The following MTSS1 variants were observed in gnomAD, a reference collection of about 807,000 sequenced individuals.
MTSS1 encodes protein MTSS 1.
A neutral mutation model predicts 79.0 loss-of-function variants in MTSS1; 18 were observed. The observed-to-expected ratio is 0.23, with a 90% CI of 0.16 to 0.34. MTSS1 has a LOEUF of 0.34. Ranked by LOEUF, MTSS1 falls within the 10% of genes least tolerant of loss-of-function variation. The pLI is 1.00. For synonymous variants in MTSS1, 341 were observed against 368.6 expected, an observed-to-expected ratio of 0.93 and a Z score of 0.86; for missense variants, 815 against 986.2, an observed-to-expected ratio of 0.83 and a Z score of 2.33.
intron 3 of MTSS1, among the ~76,000 whole-genome samples, chr8:124,656,781 C>CAA (rs59332225): frequency 8.3e-4 from 43 of 51,538 alleles, no homozygotes; most frequent in African/African-American, 1.1e-3. Context: ...GACTCCATCT[C>CAA]AAAAAAAAAA....
At chr8:124,606,179 T>G (rs1209490285) in intron 3 of MTSS1, among the ~76,000 whole-genome samples, 16 of 148,738 alleles carry the variant, frequency 1.1e-4, no homozygotes, top group East Asian at 9.7e-4. Context: ...TTGTTTTTTT[T>G]TTTTTTTTTT....
intron 3 of MTSS1, among the ~76,000 whole-genome samples, chr8:124,619,940 T>C (rs1166093588): frequency 6.9e-6 from 1 of 144,560 alleles, no homozygotes; most frequent in Non-Finnish European, 1.5e-5. Context: ...TGTTTTTCTT[T>C]TCTTTTCTTT....
chr8:124,719,963 G>A (rs1285231945), intron 1 of MTSS1, among the ~76,000 whole-genome samples: 1 of 152,168 alleles, frequency 6.6e-6, no homozygotes, highest in Non-Finnish European at 1.5e-5. Context: ...AATAGAGCTA[G>A]GAAACGCTAG....
intron 3 of MTSS1, among the ~76,000 whole-genome samples, chr8:124,660,328 T>C (rs1395400801): frequency 1.3e-5 from 2 of 151,994 alleles, no homozygotes; most frequent in African/African-American, 2.4e-5. Context: ...AGCAGCACTT[T>C]AACCAAAAGA....
intron 7 of MTSS1, chr8:124,567,828 A>G (rs1256404600): frequency 2.0e-6 from 3 of 1,510,924 alleles, no homozygotes; most frequent in African/African-American, 2.8e-5. Context: ...ATGAGCTGGT[A>G]CCTTCGAATC....
At chr8:124,590,523 T>A (rs1384683830) in intron 4 of MTSS1, among the ~76,000 whole-genome samples, 2 of 152,108 alleles carry the variant, frequency 1.3e-5, no homozygotes, top group African/African-American at 4.8e-5. Context: ...AGCCTCGGGG[T>A]TACTGAGGGG....
At chr8:124,650,292 G>A (rs1819723024) in intron 3 of MTSS1, among the ~76,000 whole-genome samples, 1 of 152,106 alleles carries the variant, frequency 6.6e-6, no homozygotes, top group Non-Finnish European at 1.5e-5. Context: ...GCCTCCCAAA[G>A]TGCTGGGATT....
chr8:124,585,292 A>G (rs1830667230), intron 5 of MTSS1, 131 bp from the exon 6 acceptor site: 5 of 681,096 alleles, frequency 7.3e-6, no homozygotes, highest in South Asian at 1.7e-5. Context: ...TTATCAGAAT[A>G]CAATATGATA....
chr8:124,687,900 A>G (rs1041955275), intron 3 of MTSS1, among the ~76,000 whole-genome samples: 1 of 152,216 alleles, frequency 6.6e-6, no homozygotes, highest in South Asian at 2.1e-4. Flanking sequence ...CTTGTAATCA[A>G]TCAGCTTTGC....
chr8:124,555,835 G>C lies in MTSS1; in HGVS notation c.1474C>G (p.Gln492Glu). 6.2e-7 allele frequency: 1 copy of C among 1,613,512 alleles called. No homozygotes were observed. The highest frequency in any genetic ancestry group is 8.5e-7 in the Non-Finnish European group (1 of 1,179,958). Residue 492 changes from glutamine (Q) to glutamate (E), a missense_variant, in exon 13 of 14, where the codon CAG (glutamine) becomes GAG (glutamate). Coordinates refer to ENST00000518547, the MANE Select transcript of MTSS1 (RefSeq NM_014751.6). ...TGAAGCGAGTCCCGGCTGCTCCTCTGGGTGTCCAGCTGCAGGCCCCGAGAC... is the reference window on the plus strand; with the variant it reads ...TGAAGCGAGTCCCGGCTGCTCCTCTCGGTGTCCAGCTGCAGGCCCCGAGAC... ...ALSRGLQLDT[Q>E]RSSRDSLQCS...
chr8:124,555,422 A>G (rs1323769870), intron 13 of MTSS1, among the ~76,000 whole-genome samples: 1 of 151,930 alleles, frequency 6.6e-6, no homozygotes, highest in Non-Finnish European at 1.5e-5. Context: ...ATTTTTTTGT[A>G]TTTTTAGTAG....
At chr8:124,556,008 C>T (rs1563734049) in intron 12 of MTSS1, 104 bp from the exon 13 acceptor site, 2 of 1,551,332 alleles carry the variant, frequency 1.3e-6, no homozygotes, top group Non-Finnish European at 1.7e-6. Flanking sequence ...GGCCAGGGGG[C>T]TATTGACTTG....
chr8:124,582,276 T>C lies in MTSS1; in HGVS notation c.460+2811A>G, dbSNP rs1243718110. The stretch of plus-strand genomic sequence containing the variant: ...TACCAAAGGCAAACCATTGAAAGTT[T>C]CTTGAAGGAAATATTTAAACACCTT... On this transcript the variant is annotated intron_variant, in intron 6 of 13. Transcript: ENST00000518547. This position sits in a 1 kb window ranked among gnomAD's most constrained non-coding sequence, Gnocchi z 4.8. 1.3e-5 allele frequency among the ~76,000 whole-genome samples: 2 copies of C among 152,178 alleles called. No individual in the cohort carries two copies. The highest frequency in any genetic ancestry group is 2.9e-5 in the Non-Finnish European group (2 of 68,042).
intron 3 of MTSS1, among the ~76,000 whole-genome samples, chr8:124,601,224 C>T (rs775625851): frequency 6.6e-6 from 1 of 152,024 alleles, no homozygotes; most frequent in Non-Finnish European, 1.5e-5. Context: ...CCATGCCTGA[C>T]TAATTTTTTG....
At chr8:124,600,250 T>G (rs1366406895) in intron 3 of MTSS1, among the ~76,000 whole-genome samples, 5 of 151,944 alleles carry the variant, frequency 3.3e-5, no homozygotes, top group African/African-American at 1.2e-4. Flanking sequence ...ATTTTTTTTT[T>G]GCAAAAGTAA....
chr8:124,702,604 AGT>A (rs1215503894), intron 2 of MTSS1, among the ~76,000 whole-genome samples: 2 of 152,168 alleles, frequency 1.3e-5, no homozygotes, highest in Non-Finnish European at 2.9e-5. Flanking sequence ...TGGACACTCT[AGT>A]CCTATGGCTA....
chr8:124,724,992 T>C (rs759079030), intron 1 of MTSS1, among the ~76,000 whole-genome samples: 41 of 152,176 alleles, frequency 2.7e-4, no homozygotes, highest in Non-Finnish European at 5.1e-4. Flanking sequence ...CTAATTTGCA[T>C]GGATGGGAGG....
At position 124,632,143 on chromosome 8, in the gene MTSS1, G is replaced by A. The variant is rs1173483331; in HGVS notation, c.209-40908C>T. On this transcript the variant is annotated intron_variant, in intron 3 of 13. Transcript: ENST00000518547. Reference sequence around the variant, plus strand: ...AAATTTAAATAATTAGCCAGGTGTGGTGGTGCATGCCTGTAGTCCCAGCTA... The same window carrying A: ...AAATTTAAATAATTAGCCAGGTGTGATGGTGCATGCCTGTAGTCCCAGCTA... Among the ~76,000 whole-genome samples, 13 of 151,098 alleles carry A rather than the reference G, an allele frequency of 8.6e-5. No individual in the cohort carries two copies. The South Asian group carries it at 2.5e-3, about 29-fold the overall frequency.
intron 3 of MTSS1, among the ~76,000 whole-genome samples, chr8:124,602,178 C>CATATATAT (rs1381999447): frequency 2.8e-4 from 28 of 101,426 alleles, no homozygotes; most frequent in African/African-American, 1.3e-3. Flanking sequence ...AAATAAATCT[C>CATATATAT]ATATATATAC....
Sources: gnomAD v4.1 joint callset for allele counts (sites outside exome capture counted in the v4.1 genomes callset) on GRCh38, gnomAD v4.1.1 for gene constraint, Gnocchi (gnomAD v3.1) non-coding constraint, MANE v1.5 for transcripts, NCBI Gene and HGNC (gene_info 2026-07-23, HGNC 2026-07-21) for gene names.